The following SMAD4 variants were observed in gnomAD, a reference collection of about 807,000 sequenced individuals.
SMAD4 encodes the protein MAD homolog 4.
Under a neutral mutation model 63.2 loss-of-function variants are expected in SMAD4, and 7 were observed. The observed-to-expected ratio is 0.11, with a 90% CI of 0.06 to 0.21. SMAD4 has a LOEUF of 0.21. SMAD4 is among the 10% of genes least tolerant of loss of function. SMAD4 has a pLI of 1.00. For synonymous variants in SMAD4, 215 were observed against 235.4 expected, an observed-to-expected ratio of 0.91 and a Z score of 0.79; for missense variants, 312 against 693.8, an observed-to-expected ratio of 0.45 and a Z score of 6.18.
rs1057523114 is a variant in SMAD4 at position 51,047,172 on chromosome 18, T to C, written c.126T>C (p.Ser42=). The change falls in exon 2 of 12, where the codon AGT becomes AGC. Residue 42 remains serine (S), a synonymous_variant. Coordinates refer to ENST00000342988, the MANE Select transcript of SMAD4 (RefSeq NM_005359.6). The part of the protein sequence containing the change: ...SETFAKRAIE[S]LVKKLKEKKD... Reference sequence around the variant, plus strand: ...CATTTGCAAAAAGAGCAATTGAAAGTTTGGTAAAGAAGCTGAAGGAGAAAA... The same window carrying C: ...CATTTGCAAAAAGAGCAATTGAAAGCTTGGTAAAGAAGCTGAAGGAGAAAA... The C allele has an allele frequency of 1.2e-6, 2 of 1,614,024 alleles. No individual in the cohort carries two copies. Among genetic ancestry groups the C allele is most frequent in the East Asian group, 4.5e-5 (2 of 44,856 alleles).
intron 10 of SMAD4, 102 bp from the exon 11 acceptor site, chr18:51,076,536 A>T: frequency 1.1e-6 from 1 of 932,704 alleles, no homozygotes; most frequent in Non-Finnish European, 1.7e-6. Flanking sequence ...TTTTCATGTG[A>T]GAGGTATAAT....
rs79864957 is a variant in SMAD4, at chr18:51,050,836, T to C, written c.454+1512T>C. 6.8e-3 allele frequency among the ~76,000 whole-genome samples: 1,041 copies of C among 152,070 alleles called. 10 individuals carry two copies. Among genetic ancestry groups the C allele is most frequent in the African/African-American group, 0.024 (983 of 41,474 alleles). ...ATGCAATTCTACTTGTTTTTTTTTT[T>C]CCACCTTTCTCCCATATCACTGGTA... On this transcript the variant is annotated intron_variant, in intron 4 of 11. Coordinates refer to ENST00000342988, the MANE Select transcript of SMAD4 (RefSeq NM_005359.6).
intron 11 of SMAD4, among the ~76,000 whole-genome samples, chr18:51,077,961 C>G (rs982278599): frequency 1.3e-5 from 2 of 152,132 alleles, no homozygotes; most frequent in Non-Finnish European, 2.9e-5. Context: ...GTTTCTTATC[C>G]CTTCACCTCC....
At chr18:51,051,413 C>T (rs1327551700) in intron 4 of SMAD4, 1 of 455,612 alleles carries the variant, frequency 2.2e-6, no homozygotes, top group African/African-American at 2.0e-5. Flanking sequence ...GATACAAGAG[C>T]AGGTAACTAA....
At chr18:51,068,881 A>G (rs544845163) in intron 10 of SMAD4, among the ~76,000 whole-genome samples, 5 of 152,310 alleles carry the variant, frequency 3.3e-5, no homozygotes, top group Admixed American at 3.3e-4. Context: ...TGATCATGCC[A>G]CTGTGCTCCA....
At position 51,084,184 on chromosome 18, in the gene SMAD4, C is replaced by T; in HGVS notation, c.*5717C>T. On this transcript the variant is annotated 3_prime_UTR_variant, in exon 12 of 12. Coordinates refer to ENST00000342988, the MANE Select transcript of SMAD4 (RefSeq NM_005359.6). Reference sequence around the variant, plus strand: ...ATAGCTTTTGAGTTGGTGTGTGTGACACCACCCTCCTAAGTGGTGTGTGCT... The same window carrying T: ...ATAGCTTTTGAGTTGGTGTGTGTGATACCACCCTCCTAAGTGGTGTGTGCT... The T allele has an allele frequency of 4.3e-6, 1 of 230,474 alleles. No individual in the cohort carries two copies. Among genetic ancestry groups the T allele is most frequent in the African/African-American group, 2.2e-5 (1 of 45,192 alleles). 14.3% of individuals were successfully genotyped at this position (230,474 alleles called of 1,614,324 possible). A position where few individuals can be genotyped will look rare whatever the true frequency, so the allele number is the denominator to read the frequency against.
chr18:51,043,847 A>G (rs1046411621), intron 1 of SMAD4, among the ~76,000 whole-genome samples: 1 of 152,228 alleles, frequency 6.6e-6, no homozygotes, highest in Non-Finnish European at 1.5e-5. Context: ...TCAGAAAATG[A>G]CTTCAAAAGT....
intron 1 of SMAD4, among the ~76,000 whole-genome samples, chr18:51,045,535 G>A (rs902837970): frequency 2.0e-5 from 3 of 151,984 alleles, no homozygotes; most frequent in Non-Finnish European, 2.9e-5. Context: ...TTAATCTTCA[G>A]TTTTTGTTAT....
At chr18:51,063,178 A>G (rs1051054329) in intron 8 of SMAD4, among the ~76,000 whole-genome samples, 10 of 151,818 alleles carry the variant, frequency 6.6e-5, no homozygotes, top group African/African-American at 2.4e-4. Flanking sequence ...CTAGCTTTAT[A>G]AATACTTGTT....
At position 51,065,880 on chromosome 18, in the gene SMAD4, A is replaced by AT. The variant is rs1396403594; in HGVS notation, c.1139+278dup. On this transcript the variant is annotated intron_variant, in intron 9 of 11. Transcript: ENST00000342988. ...ATACCTTTTGAAATTCAGTTTGAAA[A>AT]TTTTATTTTCTGTGATCATACATTT... Among the ~76,000 whole-genome samples, 6 of 152,202 alleles carry AT rather than the reference A, an allele frequency of 3.9e-5. No individual in the cohort carries two copies. The highest frequency in any genetic ancestry group is 2.1e-4 in the South Asian group (1 of 4,826).
In SMAD4 at chr18:51,081,944, C is replaced by T. The variant is rs1910621742; in HGVS notation, c.*3477C>T. On this transcript the variant is annotated 3_prime_UTR_variant, in exon 12 of 12. Coordinates refer to ENST00000342988, the MANE Select transcript of SMAD4 (RefSeq NM_005359.6). The stretch of plus-strand genomic sequence containing the variant: ...TGGTAACTGGTTAATAGTTACTCAC[C>T]ATTTTATGCAGAGTCACATTAGTTC... 4.3e-6 allele frequency: 1 copy of T among 231,684 alleles called. No individual in the cohort carries two copies. Among genetic ancestry groups the T allele is most frequent in the African/African-American group, 2.2e-5 (1 of 45,248 alleles). 14.4% of individuals were successfully genotyped at this position (231,684 alleles called of 1,614,324 possible). A position where few individuals can be genotyped will look rare whatever the true frequency, so the allele number is the denominator to read the frequency against.
At chr18:51,073,539 C>G (rs1884260842) in intron 10 of SMAD4, among the ~76,000 whole-genome samples, 1 of 149,546 alleles carries the variant, frequency 6.7e-6, no homozygotes, top group Non-Finnish European at 1.5e-5. Context: ...AAAGTGAGAA[C>G]TTTTTTTTTG....
intron 8 of SMAD4, among the ~76,000 whole-genome samples, chr18:51,063,473 C>T (rs1179338570): frequency 1.3e-5 from 2 of 152,070 alleles, no homozygotes; most frequent in African/African-American, 4.8e-5. Context: ...AGTGCAGTGG[C>T]ACTCTCATGG....
intron 8 of SMAD4, 35 bp downstream of exon 8, chr18:51,059,951 G>C (rs2144433860): frequency 6.6e-7 from 1 of 1,522,684 alleles, no homozygotes; most frequent in Non-Finnish European, 9.1e-7. Context: ...CCTGTATTTA[G>C]ATTGATTTAG....
In SMAD4 at chr18:51,080,260, T is replaced by G. The variant is rs1425860671; in HGVS notation, c.*1793T>G. The G allele has an allele frequency of 8.6e-6, 2 of 232,246 alleles. No homozygotes were observed. Among genetic ancestry groups the G allele is most frequent in the East Asian group, 1.2e-4 (2 of 16,348 alleles). 14.4% of individuals were successfully genotyped at this position (232,246 alleles called of 1,614,324 possible). On this transcript the variant is annotated 3_prime_UTR_variant, in exon 12 of 12. Transcript: ENST00000342988. ...TATTTCTGTGATTTAAACATAGATC[T>G]TGATCCAAGCTACATGACTTTTGTC...
intron 10 of SMAD4, among the ~76,000 whole-genome samples, chr18:51,070,646 G>C (rs1046518213): frequency 3.9e-5 from 6 of 152,142 alleles, no homozygotes; most frequent in African/African-American, 1.4e-4. Context: ...AAAAATTCCA[G>C]AAACAATTCA....
At chr18:51,061,392 T>A (rs1220442044) in intron 8 of SMAD4, among the ~76,000 whole-genome samples, 2 of 152,208 alleles carry the variant, frequency 1.3e-5, no homozygotes, top group Admixed American at 1.3e-4. Context: ...ATCCTTCTAC[T>A]CTCTGTCTCT....
intron 10 of SMAD4, among the ~76,000 whole-genome samples, chr18:51,073,384 TATATACACACACACACACAC>T (rs1211880873): frequency 1.6e-4 from 14 of 85,738 alleles, no homozygotes; most frequent in African/African-American, 5.6e-4. Flanking sequence ...TATATATATA[TATATACACACACACACACAC>T]ACACACACAC....
intron 1 of SMAD4, among the ~76,000 whole-genome samples, chr18:51,032,125 G>A (rs1175272763): frequency 3.3e-5 from 5 of 152,218 alleles, no homozygotes; most frequent in African/African-American, 1.2e-4. Context: ...AAAGACGATG[G>A]TGAATTATGT....
Sources: allele counts gnomAD v4.1 joint callset (sites outside exome capture counted in the v4.1 genomes callset), GRCh38; gene constraint gnomAD v4.1.1; transcripts MANE v1.5; gene names NCBI Gene and HGNC (gene_info 2026-07-23, HGNC 2026-07-21).